PCDHGB6: variants seen among roughly 807,000 people sequenced by gnomAD.
PCDHGB6 encodes the protein protocadherin gamma subfamily B, 6.
A neutral mutation model predicts 59.1 loss-of-function variants in PCDHGB6; 51 were observed. The observed-to-expected ratio is 0.86, with a 90% CI of 0.69 to 1.09. The LOEUF is 1.09. Among genes scored for constraint, PCDHGB6 ranks in the 50% least tolerant of loss-of-function variants. PCDHGB6 has a pLI of 0.00. For missense variants in PCDHGB6, 1,148 were observed against 1,205.1 expected (o/e 0.95, Z 0.70); for synonymous variants, 466 against 495.1 (o/e 0.94, Z 0.78).
At chr5:141,419,877 C>T in intron 1 of PCDHGB6, 3 of 1,614,062 alleles carry the variant, frequency 1.9e-6, no homozygotes, top group Non-Finnish European at 8.5e-7. Flanking sequence ...GAGGTACTGC[C>T]GGATTTCAGC....
Position 141,486,059 on chromosome 5 carries a change from C to A in PCDHGB6, c.2419-8748C>A. On this transcript the variant is annotated intron_variant, in intron 1 of 3. Transcript: ENST00000520790. This position sits in a 1 kb window ranked among gnomAD's most constrained non-coding sequence, Gnocchi z 5.0. ...TCGTGTAAGAAACCTCTTTAGCCTG[C>A]ACCCCACTACTGGAAAGCTTACTCT... 1 of 1,614,152 alleles carries A rather than the reference C, an allele frequency of 6.2e-7. No homozygotes were observed. Among genetic ancestry groups the A allele is most frequent in the Non-Finnish European group, 8.5e-7 (1 of 1,180,010 alleles).
rs765376157 is a variant in PCDHGB6 at position 141,486,033 on chromosome 5, A to G, written c.2419-8774A>G. 4.3e-6 allele frequency: 7 copies of G among 1,614,148 alleles called. No individual in the cohort carries two copies. The highest frequency in any genetic ancestry group is 5.9e-6 in the Non-Finnish European group (7 of 1,180,014). ...TTTTATTTCAGTGGTCATACCCCTG[A>G]TCGTGTAAGAAACCTCTTTAGCCTG... On this transcript the variant is annotated intron_variant, in intron 1 of 3. Transcript: ENST00000520790. This position sits in a 1 kb window ranked among gnomAD's most constrained non-coding sequence, Gnocchi z 5.0.
chr5:141,444,475 A>C (rs572738630), intron 1 of PCDHGB6, among the ~76,000 whole-genome samples: 2 of 152,110 alleles, frequency 1.3e-5, no homozygotes, highest in East Asian at 3.9e-4. Context: ...CCGGTCGCGT[A>C]CTGGATTTAT....
At chr5:141,416,530 G>A (rs976560428) in intron 1 of PCDHGB6, 2 of 152,160 alleles carry the variant, frequency 1.3e-5, no homozygotes, top group Non-Finnish European at 2.9e-5. Flanking sequence ...GCTCTTTAAT[G>A]TATAAGGAGG....
intron 1 of PCDHGB6, chr5:141,420,380 C>T (rs1343046478): frequency 7.7e-7 from 1 of 1,306,574 alleles, no homozygotes; most frequent in Non-Finnish European, 1.0e-6. Flanking sequence ...TCATAGAGTT[C>T]GCAAAATATA....
chr5:141,449,424 T>C (rs2098638345), intron 1 of PCDHGB6, among the ~76,000 whole-genome samples: 1 of 151,674 alleles, frequency 6.6e-6, no homozygotes, highest in Admixed American at 6.6e-5. Context: ...CTGGCCAACA[T>C]GATAAAACTC....
chr5:141,436,973 T>C (rs1209787552), intron 1 of PCDHGB6, among the ~76,000 whole-genome samples: 1 of 152,234 alleles, frequency 6.6e-6, no homozygotes, highest in Non-Finnish European at 1.5e-5. Context: ...TTGTGAAACT[T>C]ATTTTAAAGA....
intron 1 of PCDHGB6, among the ~76,000 whole-genome samples, chr5:141,433,989 T>C (rs898601470): frequency 6.6e-6 from 1 of 152,248 alleles, no homozygotes; most frequent in Non-Finnish European, 1.5e-5. Context: ...AGAAGAGTTT[T>C]ATATTCTCTA....
intron 1 of PCDHGB6, chr5:141,426,908 G>C (rs1047101179): frequency 8.8e-6 from 4 of 456,612 alleles, no homozygotes; most frequent in African/African-American, 6.0e-5. Context: ...CTCATCTCCT[G>C]GTCCTGGAAG....
chr5:141,415,890 C>A lies in PCDHGB6; in HGVS notation c.2418+5270C>A, dbSNP rs2095969500. The A allele has an allele frequency of 9.7e-6, 9 of 931,410 alleles. No homozygotes were observed. In the South Asian group the frequency reaches 2.3e-4, roughly 24 times the overall value. 57.7% of individuals were successfully genotyped at this position (931,410 alleles called of 1,614,324 possible). On this transcript the variant is annotated intron_variant, in intron 1 of 3. Coordinates refer to ENST00000520790, the MANE Select transcript of PCDHGB6 (RefSeq NM_018926.3). Reference sequence around the variant, plus strand: ...GTTGTTGAGTACAATATTGACAATTCCTAAGACAGACTTCCATACAGAAGT... The same window carrying A: ...GTTGTTGAGTACAATATTGACAATTACTAAGACAGACTTCCATACAGAAGT...
Position 141,511,303 on chromosome 5 carries a change from C to T in PCDHGB6, c.*130C>T, listed in dbSNP as rs2099883709. 2.7e-6 allele frequency: 4 copies of T among 1,490,160 alleles called. No homozygotes were observed. Among genetic ancestry groups the T allele is most frequent in the Non-Finnish European group, 3.6e-6 (4 of 1,116,196 alleles). 92.3% of individuals were successfully genotyped at this position (1,490,160 alleles called of 1,614,324 possible). ...CTGGTAGGGGCCAAGGCCATGCTCC[C>T]CTTGGGAAACAGAAACAAGTGCCCA... On this transcript the variant is annotated 3_prime_UTR_variant, in exon 4 of 4. Coordinates refer to ENST00000520790, the MANE Select transcript of PCDHGB6 (RefSeq NM_018926.3).
intron 1 of PCDHGB6, among the ~76,000 whole-genome samples, chr5:141,446,175 G>A (rs1288608276): frequency 1.3e-5 from 2 of 152,276 alleles, no homozygotes; most frequent in Non-Finnish European, 2.9e-5. Context: ...AGGGCAGGGG[G>A]TGTTTTGTTT....
In PCDHGB6 at chr5:141,428,992, C is replaced by A. The variant is rs986416866; in HGVS notation, c.2418+18372C>A. The A allele has an allele frequency of 1.3e-4, 20 of 152,092 alleles. 1 individual carries two copies. Among genetic ancestry groups the A allele is most frequent in the Admixed American group, 1.2e-3 (18 of 15,248 alleles). 9.4% of individuals were successfully genotyped at this position (152,092 alleles called of 1,614,324 possible). On this transcript the variant is annotated intron_variant, in intron 1 of 3. Transcript: ENST00000520790. Reference sequence around the variant, plus strand: ...GCCTCAGCCTCCCGGGTAGCTGGGACTACAGGCGCCCGCCACCACGCCCGG... The same window carrying A: ...GCCTCAGCCTCCCGGGTAGCTGGGAATACAGGCGCCCGCCACCACGCCCGG...
chr5:141,414,789 C>T, intron 1 of PCDHGB6: 1 of 1,614,218 alleles, frequency 6.2e-7, no homozygotes, highest in East Asian at 2.2e-5. Context: ...AGGTGACAGC[C>T]AGCGACAGCG....
rs1405589878 is a variant in PCDHGB6 at position 141,504,323 on chromosome 5, T to A, written c.2478-1070T>A. On this transcript the variant is annotated intron_variant, in intron 2 of 3. Transcript: ENST00000520790. ...CACTCGGAGTTTCTAAAAGTCTCAC[T>A]TAGGTCCAAGTGCTAGGCTTTGTGC... Among the ~76,000 whole-genome samples, 4 of 152,114 alleles carry A rather than the reference T, an allele frequency of 2.6e-5. No individual in the cohort carries two copies. In the East Asian group the frequency reaches 7.7e-4, roughly 29 times the overall value.
intron 2 of PCDHGB6, among the ~76,000 whole-genome samples, chr5:141,504,253 G>A (rs1036263329): frequency 6.6e-6 from 1 of 152,100 alleles, no homozygotes; most frequent in Non-Finnish European, 1.5e-5. Context: ...TTCTTCTTAT[G>A]GTTTAGTATT....
chr5:141,440,564 A>G (rs531383065), intron 1 of PCDHGB6: 1 of 152,248 alleles, frequency 6.6e-6, no homozygotes, highest in Admixed American at 6.5e-5. Context: ...TAAGTTACGT[A>G]TCTCTGAGTT....
At chr5:141,494,758 T>A (rs370692038) in intron 1 of PCDHGB6, 49 bp from the exon 2 acceptor site, 2 of 1,613,800 alleles carry the variant, frequency 1.2e-6, no homozygotes, top group Admixed American at 3.3e-5. Context: ...CGGGTGACAT[T>A]CTAACTTCTC....
intron 1 of PCDHGB6, chr5:141,428,054 G>A (rs763394113): frequency 6.2e-7 from 1 of 1,609,038 alleles, no homozygotes; most frequent in Admixed American, 1.7e-5. Context: ...CCAAGGTGGT[G>A]GCGGTGGACG....
Sources: allele counts gnomAD v4.1 joint callset (sites outside exome capture counted in the v4.1 genomes callset), GRCh38; gene constraint gnomAD v4.1.1; non-coding constraint Gnocchi (gnomAD v3.1); transcripts MANE v1.5; gene names NCBI Gene and HGNC (gene_info 2026-07-23, HGNC 2026-07-21).